RXRA: variants seen among roughly 807,000 people sequenced by gnomAD.
RXRA encodes the protein retinoic acid receptor RXR-alpha.
Under a neutral mutation model 44.5 loss-of-function variants are expected in RXRA, and 5 were observed. The ratio of observed to expected loss-of-function variants is 0.11; its 90% confidence interval spans 0.06 to 0.24. The LOEUF (loss-of-function observed/expected upper bound fraction) is 0.24. RXRA is among the 10% of genes least tolerant of loss of function. The pLI is 1.00. For missense variants in RXRA, 412 were observed against 646.5 expected, an observed-to-expected ratio of 0.64 and a Z score of 3.93; for synonymous variants, 291 against 271.4, an observed-to-expected ratio of 1.07 and a Z score of -0.71.
At chr9:134,397,053 A>G (rs988201666) in intron 1 of RXRA, among the ~76,000 whole-genome samples, 7 of 151,974 alleles carry the variant, frequency 4.6e-5, no homozygotes, top group Non-Finnish European at 7.4e-5. Flanking sequence ...GCCGGAAGGG[A>G]GTTGGTGGGG....
At chr9:134,412,134 T>C (rs997632589) in intron 4 of RXRA, among the ~76,000 whole-genome samples, 1 of 152,190 alleles carries the variant, frequency 6.6e-6, no homozygotes, top group Non-Finnish European at 1.5e-5. Flanking sequence ...GGCAGGGCTG[T>C]TGGCTGCATG....
chr9:134,427,745 C>A (rs1396732980), intron 6 of RXRA, among the ~76,000 whole-genome samples: 5 of 152,216 alleles, frequency 3.3e-5, no homozygotes, highest in Admixed American at 1.3e-4. Context: ...GTGGTCCCCA[C>A]CAACTTCTTG....
At chr9:134,369,325 TGGGG>T (rs149183008) in intron 1 of RXRA, among the ~76,000 whole-genome samples, 1 of 45,902 alleles carries the variant, frequency 2.2e-5, no homozygotes, top group African/African-American at 1.1e-4. Flanking sequence ...GTTGTGTGTG[TGGGG>T]GGGGTTATGT....
chr9:134,334,915 C>T (rs1297366266), intron 1 of RXRA, among the ~76,000 whole-genome samples: 4 of 152,182 alleles, frequency 2.6e-5, no homozygotes, highest in African/African-American at 4.8e-5. Flanking sequence ...GAAGCGCTTT[C>T]GGGATGTGCA....
Position 134,409,132 on chromosome 9 carries a change from G to A in RXRA, c.610+13G>A, listed in dbSNP as rs377428611. On this transcript the variant is annotated intron_variant, in intron 4 of 9. Coordinates refer to ENST00000481739, the MANE Select transcript of RXRA (RefSeq NM_002957.6). ...ATGAAGCGGGAAGGTAGGCCACGGC[G>A]TCGGGTGGGGGCGCGGGCAGGTGTT... is the stretch of plus-strand genomic sequence containing the variant. 181 of 1,540,832 alleles carry A rather than the reference G, an allele frequency of 1.2e-4. No individual in the cohort carries two copies. The highest frequency in any genetic ancestry group is 1.4e-4 in the Non-Finnish European group (161 of 1,141,046).
intron 1 of RXRA, among the ~76,000 whole-genome samples, chr9:134,354,123 C>T (rs1830254859): frequency 6.6e-6 from 1 of 152,170 alleles, no homozygotes; most frequent in Non-Finnish European, 1.5e-5. Flanking sequence ...TGTGTCTCTT[C>T]TGACGGATGG....
chr9:134,331,649 T>C (rs1444316038), intron 1 of RXRA, among the ~76,000 whole-genome samples: 3 of 152,242 alleles, frequency 2.0e-5, no homozygotes, highest in African/African-American at 7.2e-5. Flanking sequence ...GGGTGCCTGC[T>C]GCGTGCCAGG....
At chr9:134,340,617 C>CG (rs1324451995) in intron 1 of RXRA, among the ~76,000 whole-genome samples, 2 of 152,208 alleles carry the variant, frequency 1.3e-5, no homozygotes, top group African/African-American at 2.4e-5. Context: ...CCCAGGCAGA[C>CG]GGTCTCGGTG....
At chr9:134,339,640 CGT>C (rs781996546) in intron 1 of RXRA, among the ~76,000 whole-genome samples, 28 of 122,788 alleles carry the variant, frequency 2.3e-4, no homozygotes, top group Admixed American at 4.9e-4. Flanking sequence ...TGAGCCTGTG[CGT>C]GTGTCTGTGT....
chr9:134,388,693 G>A (rs984025054), intron 1 of RXRA, among the ~76,000 whole-genome samples: 5 of 152,338 alleles, frequency 3.3e-5, no homozygotes, highest in Admixed American at 6.5e-5. Flanking sequence ...CATTCTGGGC[G>A]CATCGGGCTC....
chr9:134,331,170 C>T (rs1554746581), intron 1 of RXRA, among the ~76,000 whole-genome samples: 1 of 152,198 alleles, frequency 6.6e-6, no homozygotes, highest in Non-Finnish European at 1.5e-5. Context: ...CAGGGACCCT[C>T]CTCAGAGTCC....
intron 6 of RXRA, chr9:134,425,288 C>A: frequency 1.0e-6 from 1 of 985,330 alleles, no homozygotes; most frequent in African/African-American, 1.7e-5. Flanking sequence ...TCCAGGAGGC[C>A]TTCAGAAATA....
At chr9:134,368,836 CTG>C (rs1401773781) in intron 1 of RXRA, among the ~76,000 whole-genome samples, 1 of 140,938 alleles carries the variant, frequency 7.1e-6, no homozygotes, top group Admixed American at 7.4e-5. Flanking sequence ...ATATGTGTGA[CTG>C]CATATGTGTG....
chr9:134,372,341 T>C (rs1293428515), intron 1 of RXRA, among the ~76,000 whole-genome samples: 2 of 152,056 alleles, frequency 1.3e-5, no homozygotes, highest in Non-Finnish European at 2.9e-5. Context: ...CTGGCTTTGC[T>C]GTTGGGGCTG....
At chr9:134,425,022 T>C (rs1307627551) in intron 6 of RXRA, 1 of 985,308 alleles carries the variant, frequency 1.0e-6, no homozygotes, top group Non-Finnish European at 1.2e-6. Context: ...ACGATGGGAA[T>C]GGGTGCCCAG....
intron 1 of RXRA, among the ~76,000 whole-genome samples, chr9:134,355,266 G>A (rs1462294317): frequency 3.3e-5 from 5 of 152,200 alleles, no homozygotes; most frequent in Non-Finnish European, 7.3e-5. Flanking sequence ...GCCTGGGCCC[G>A]GCATGGGCAT....
At chr9:134,383,634 C>T (rs1830678660) in intron 1 of RXRA, among the ~76,000 whole-genome samples, 2 of 152,322 alleles carry the variant, frequency 1.3e-5, no homozygotes, top group South Asian at 4.1e-4. Flanking sequence ...GAACCAGGCC[C>T]TCAGGCAGCT....
chr9:134,328,801 C>T (rs376425602), intron 1 of RXRA, among the ~76,000 whole-genome samples: 8 of 152,232 alleles, frequency 5.3e-5, no homozygotes, highest in African/African-American at 1.7e-4. Flanking sequence ...GCTGCCCAGC[C>T]GCTTTTGGGG....
intron 6 of RXRA, chr9:134,425,893 T>C (rs1831426386): frequency 1.0e-6 from 1 of 985,240 alleles, no homozygotes; most frequent in Non-Finnish European, 1.2e-6. Flanking sequence ...TTACTGTCCC[T>C]TGTGCTGCGG....
Sources: gnomAD v4.1 joint callset for allele counts (sites outside exome capture counted in the v4.1 genomes callset) on GRCh38, gnomAD v4.1.1 for gene constraint, MANE v1.5 for transcripts, NCBI Gene and HGNC (gene_info 2026-07-23, HGNC 2026-07-21) for gene names.